The following DBNL variants were observed in gnomAD, a reference collection of about 807,000 sequenced individuals.
DBNL encodes drebrin-like protein.
A neutral mutation model predicts 62.2 loss-of-function variants in DBNL; 35 were observed. That is an observed-to-expected ratio of 0.56 (90% CI 0.43 to 0.75). The LOEUF is 0.75. Among genes scored for constraint, DBNL ranks in the 30% least tolerant of loss-of-function variants. DBNL has a pLI of 0.00. For missense variants in DBNL, 495 were observed against 578.4 expected (o/e 0.86, Z 1.48); for synonymous variants, 197 against 218.0 (o/e 0.90, Z 0.85).
Position 44,056,913 on chromosome 7 carries a change from G to A in DBNL, c.474+10G>A. Reference sequence around the variant, plus strand: ...ACCCCAGGCCCCAGTGGTGAGTGCTGCTTGCCCATCGCCAGCCCTTTTGTT... The same window carrying A: ...ACCCCAGGCCCCAGTGGTGAGTGCTACTTGCCCATCGCCAGCCCTTTTGTT... On this transcript the variant is annotated intron_variant, in intron 5 of 12. Transcript: ENST00000448521. 3 of 1,613,384 alleles carry A rather than the reference G, an allele frequency of 1.9e-6. No homozygotes were observed. The highest frequency in any genetic ancestry group is 1.7e-4 in the Middle Eastern group (1 of 5,808).
rs544660124 is a variant in DBNL at position 44,057,982 on chromosome 7, CTG to C, written c.552+124_552+125del. ...TTGGTGCCCATTACAGATGGTCACA[CTG>C]AGGCTCGGGTAAGTTAAGCCACAAG... On this transcript the variant is annotated intron_variant, in intron 6 of 12. Coordinates refer to ENST00000448521, the MANE Select transcript of DBNL (RefSeq NM_001014436.3). The C allele has an allele frequency of 2.6e-4, 398 of 1,530,668 alleles. No homozygotes were observed. In the African/African-American group the frequency reaches 4.9e-3, roughly 19 times the overall value. 94.8% of individuals were successfully genotyped at this position (1,530,668 alleles called of 1,614,324 possible).
chr7:44,064,855 C>T lies in DBNL; in HGVS notation c.*3939C>T, dbSNP rs1300195215. 1.7e-5 allele frequency: 27 copies of T among 1,609,660 alleles called. No homozygotes were observed. Among genetic ancestry groups the T allele is most frequent in the African/African-American group, 4.0e-5 (3 of 74,872 alleles). ...ACCTTCCAGGTGCTTGACAATGCCCCGCAGGCTGTTCCCGTGGGCTGCAAT... is the reference window on the plus strand; with the variant it reads ...ACCTTCCAGGTGCTTGACAATGCCCTGCAGGCTGTTCCCGTGGGCTGCAAT... On this transcript the variant is annotated 3_prime_UTR_variant, in exon 13 of 13. Transcript: ENST00000448521.
rs1259014384 is a variant in DBNL at position 44,068,859 on chromosome 7, A to C, written c.*7943A>C. The C allele has an allele frequency of 2.6e-5, 4 of 152,264 alleles. No individual in the cohort carries two copies. The highest frequency in any genetic ancestry group is 4.4e-5 in the Non-Finnish European group (3 of 68,046). 9.4% of individuals were successfully genotyped at this position (152,264 alleles called of 1,614,324 possible). ...AAAGTCCAAGCTTAGACACATCATAAAGAAACTTCTGAAAACTAAAGACCA... is the reference window on the plus strand; with the variant it reads ...AAAGTCCAAGCTTAGACACATCATACAGAAACTTCTGAAAACTAAAGACCA... On this transcript the variant is annotated 3_prime_UTR_variant, in exon 13 of 13. Coordinates refer to ENST00000448521, the MANE Select transcript of DBNL (RefSeq NM_001014436.3).
At chr7:44,053,410 A>G (rs1325445690) in intron 4 of DBNL, among the ~76,000 whole-genome samples, 2 of 152,210 alleles carry the variant, frequency 1.3e-5, no homozygotes, top group African/African-American at 2.4e-5. Context: ...ATTTGTAACA[A>G]AAGCATTTGT....
rs151009055 is a variant in DBNL, at chr7:44,056,762, C to T, written c.333C>T (p.Ala111=). ...AAGTGCTGCTCCTGCTGCAGGGGGC[C>T]CATGTGACCATCAACGCACGGGCCG... is the stretch of plus-strand genomic sequence containing the variant. ...VSTMASFLKG[A]HVTINARAEE... The change falls in exon 5 of 13, where the codon GCC becomes GCT. Residue 111 remains alanine (A), a synonymous_variant. Transcript: ENST00000448521. 6.2e-6 allele frequency: 10 copies of T among 1,613,808 alleles called. No individual in the cohort carries two copies. In the African/African-American group the frequency reaches 1.2e-4, roughly 19 times the overall value.
chr7:44,047,039 C>T (rs1440426198), intron 1 of DBNL, among the ~76,000 whole-genome samples: 2 of 152,230 alleles, frequency 1.3e-5, no homozygotes, highest in Non-Finnish European at 2.9e-5. Context: ...CCCCAGCCTT[C>T]ACTTCTTGGC....
intron 2 of DBNL, chr7:44,051,499 G>A (rs565767677): frequency 4.9e-6 from 1 of 205,902 alleles, no homozygotes; most frequent in Non-Finnish European, 9.9e-6. Context: ...TGGAAGTCTG[G>A]TGGCTGGTTT....
Position 44,059,728 on chromosome 7 carries a change from T to A in DBNL, c.1047+70T>A. ...TCAGGAACACTTATCACGGGCCGCCTGAGTTTTCTGGGGGCATGCAACAGG... is the reference window on the plus strand; with the variant it reads ...TCAGGAACACTTATCACGGGCCGCCAGAGTTTTCTGGGGGCATGCAACAGG... On this transcript the variant is annotated intron_variant, in intron 11 of 12. Transcript: ENST00000448521. This position sits in a 1 kb window ranked among gnomAD's most constrained non-coding sequence, Gnocchi z 4.1. 1 of 1,414,660 alleles carries A rather than the reference T, an allele frequency of 7.1e-7. No homozygotes were observed. The highest frequency in any genetic ancestry group is 9.5e-7 in the Non-Finnish European group (1 of 1,050,928). The allele number at this position is 1,414,660 out of a possible 1,614,324, so 87.6% of individuals were successfully genotyped here. A position where few individuals can be genotyped will look rare whatever the true frequency, so the allele number is the denominator to read the frequency against.
At position 44,065,313 on chromosome 7, in the gene DBNL, C is replaced by A. The variant is rs148629845; in HGVS notation, c.*4397C>A. The A allele has an allele frequency of 1.9e-6, 3 of 1,613,586 alleles. No homozygotes were observed. Among genetic ancestry groups the A allele is most frequent in the African/African-American group, 2.7e-5 (2 of 74,940 alleles). On this transcript the variant is annotated 3_prime_UTR_variant, in exon 13 of 13. Coordinates refer to ENST00000448521, the MANE Select transcript of DBNL (RefSeq NM_001014436.3). ...ACAGGCAGCCACATCTGGTCCGTGCCGTCCAGGATGGCCCAGAGGGTGCGG... is the reference window on the plus strand; with the variant it reads ...ACAGGCAGCCACATCTGGTCCGTGCAGTCCAGGATGGCCCAGAGGGTGCGG...
rs1166205519 is a variant in DBNL, at chr7:44,068,764, G to C, written c.*7848G>C. On this transcript the variant is annotated 3_prime_UTR_variant, in exon 13 of 13. Coordinates refer to ENST00000448521, the MANE Select transcript of DBNL (RefSeq NM_001014436.3). ...CATGGAGTCCATAAATTAGATGATA[G>C]TTTGGAAAAAGATATAAACTTACAA... The C allele has an allele frequency of 6.6e-6, 1 of 152,184 alleles. No homozygotes were observed. The highest frequency in any genetic ancestry group is 1.5e-5 in the Non-Finnish European group (1 of 68,026). 9.4% of individuals were successfully genotyped at this position (152,184 alleles called of 1,614,324 possible).
rs148365536 is a variant in DBNL, at chr7:44,058,910, C to T, written c.762C>T (p.Ala254=). 234 of 1,613,796 alleles carry T rather than the reference C, an allele frequency of 1.5e-4. 2 individuals carry two copies. In the African/African-American group the frequency reaches 2.6e-3, roughly 18 times the overall value. The change falls in exon 9 of 13, where the codon GCC becomes GCT. Residue 254 remains alanine (A), a synonymous_variant. Coordinates refer to ENST00000448521, the MANE Select transcript of DBNL (RefSeq NM_001014436.3). ...VSRNRNEQES[A]VHPREIFKQK... is the part of the protein sequence containing the mutation. ...CATGTGCTTCCCTCCAGGAGTCTGC[C>T]GTGCACCCGAGGGAGATTTTCAAGC... is the stretch of plus-strand genomic sequence containing the variant.
intron 2 of DBNL, 139 bp downstream of exon 2, chr7:44,050,419 G>A (rs2096124568): frequency 1.6e-5 from 13 of 810,014 alleles, no homozygotes; most frequent in Non-Finnish European, 2.5e-5. Context: ...CAGGCCTTAG[G>A]TTTCAGATAT....
Position 44,051,952 on chromosome 7 carries a change from G to T in DBNL, c.252+10G>T, listed in dbSNP as rs544072797. The T allele has an allele frequency of 6.2e-7, 1 of 1,612,210 alleles. No homozygotes were observed. Among genetic ancestry groups the T allele is most frequent in the Non-Finnish European group, 8.5e-7 (1 of 1,178,332 alleles). The stretch of plus-strand genomic sequence containing the variant: ...TGTCCTCATCAACTGGGTATGTGGA[G>T]CCTGTTTCATCTAGGTGTGACCCAG... On this transcript the variant is annotated intron_variant, in intron 3 of 12. Coordinates refer to ENST00000448521, the MANE Select transcript of DBNL (RefSeq NM_001014436.3).
At chr7:44,045,428 G>C (rs1384274445) in intron 1 of DBNL, among the ~76,000 whole-genome samples, 1 of 152,258 alleles carries the variant, frequency 6.6e-6, no homozygotes, top group Non-Finnish European at 1.5e-5. Context: ...GCCATGGGAA[G>C]ATGTACGAAA....
intron 1 of DBNL, 154 bp downstream of exon 1, chr7:44,044,974 C>T: frequency 1.5e-6 from 1 of 648,982 alleles, no homozygotes; most frequent in South Asian, 2.6e-5. Context: ...CTCCACACCG[C>T]AGCAGGAGTG....
chr7:44,050,597 G>C (rs2096124937), intron 2 of DBNL: 3 of 287,272 alleles, frequency 1.0e-5, no homozygotes, highest in Non-Finnish European at 2.1e-5. Flanking sequence ...AACTGGTGCT[G>C]GTGGAAAGAA....
In DBNL at chr7:44,064,674, A is replaced by T. The variant is rs1007389491; in HGVS notation, c.*3758A>T. The T allele has an allele frequency of 5.7e-6, 4 of 699,788 alleles. No individual in the cohort carries two copies. The Admixed American group carries it at 9.6e-5, about 17-fold the overall frequency. The allele number at this position is 699,788 out of a possible 1,614,324, so 43.3% of individuals were successfully genotyped here. ...ACACAGAAATGGGGAAAATTTCACA[A>T]AACTAAAAAATGGCTTCTCAGCCCT... is the stretch of plus-strand genomic sequence containing the variant. On this transcript the variant is annotated 3_prime_UTR_variant, in exon 13 of 13. Coordinates refer to ENST00000448521, the MANE Select transcript of DBNL (RefSeq NM_001014436.3).
chr7:44,064,793 GCCCACCCACCCT>G lies in DBNL; in HGVS notation c.*3878_*3889del. ...AGATGAGAAGCCAGCTGGGGCTGCT[GCCCACCCACCCT>G]GCCCAGGCTCCTGAAGGTGGCCTCA... On this transcript the variant is annotated 3_prime_UTR_variant, in exon 13 of 13. Transcript: ENST00000448521. 1 of 1,136,976 alleles carries G rather than the reference GCCCACCCACCCT, an allele frequency of 8.8e-7. No individual in the cohort carries two copies. The highest frequency in any genetic ancestry group is 1.5e-5 in the African/African-American group (1 of 66,160). The allele number at this position is 1,136,976 out of a possible 1,614,324, so 70.4% of individuals were successfully genotyped here.
chr7:44,059,770 T>G lies in DBNL; in HGVS notation c.1047+112T>G. The G allele has an allele frequency of 9.3e-7, 1 of 1,071,128 alleles. No individual in the cohort carries two copies. Among genetic ancestry groups the G allele is most frequent in the African/African-American group, 1.6e-5 (1 of 63,496 alleles). The allele number at this position is 1,071,128 out of a possible 1,614,324, so 66.4% of individuals were successfully genotyped here. A position where few individuals can be genotyped will look rare whatever the true frequency, so the allele number is the denominator to read the frequency against. ...TGCAACAGGTTTTAAAGCACATGCATTTTTGGAGCAGCCCTGTGTTATAAA... is the reference window on the plus strand; with the variant it reads ...TGCAACAGGTTTTAAAGCACATGCAGTTTTGGAGCAGCCCTGTGTTATAAA... On this transcript the variant is annotated intron_variant, in intron 11 of 12. Transcript: ENST00000448521. The surrounding 1 kb of genome is among the most constrained non-coding windows in gnomAD (Gnocchi z 4.1).
Sources: gnomAD v4.1 joint callset for allele counts (sites outside exome capture counted in the v4.1 genomes callset) on GRCh38, gnomAD v4.1.1 for gene constraint, Gnocchi (gnomAD v3.1) non-coding constraint, MANE v1.5 for transcripts, NCBI Gene and HGNC (gene_info 2026-07-23, HGNC 2026-07-21) for gene names.